The following SLC24A2 variants were observed in gnomAD, a reference collection of about 807,000 sequenced individuals.
SLC24A2 encodes sodium/potassium/calcium exchanger 2.
SLC24A2 carries 36 observed loss-of-function variants against 62.0 expected under a neutral mutation model. The observed-to-expected ratio is 0.58, with a 90% CI of 0.44 to 0.77. The LOEUF (loss-of-function observed/expected upper bound fraction) is 0.77, where lower values mean the gene tolerates loss of function less well. SLC24A2 is among the 30% of genes least tolerant of loss of function. SLC24A2 has a pLI of 0.00. For synonymous variants in SLC24A2, 358 were observed against 294.0 expected, an observed-to-expected ratio of 1.22 and a Z score of -2.23; for missense variants, 846 against 817.9, an observed-to-expected ratio of 1.03 and a Z score of -0.42.
At chr9:20,243,071 C>T in the SLC24A2 span, among the ~76,000 whole-genome samples, 124 of 152,304 alleles carry the variant, frequency 8.1e-4, no homozygotes, top group Middle Eastern at 0.01. Context: ...GTAGAGACTT[C>T]CGTGGTTTCT....
intron 2 of SLC24A2, among the ~76,000 whole-genome samples, chr9:19,638,526 G>T (rs1336333619): frequency 6.6e-6 from 1 of 152,142 alleles, no homozygotes; most frequent in Non-Finnish European, 1.5e-5. Context: ...TAATGGAACA[G>T]TTATTTCCCA....
chr9:20,236,695 G>A, the SLC24A2 span, among the ~76,000 whole-genome samples: 1 of 152,082 alleles, frequency 6.6e-6, no homozygotes, highest in South Asian at 2.1e-4. Flanking sequence ...AAAGACACTA[G>A]TATCCTGAAT....
chr9:19,526,922 T>TTA (rs1188291361), intron 9 of SLC24A2, among the ~76,000 whole-genome samples: 2 of 152,196 alleles, frequency 1.3e-5, no homozygotes, highest in African/African-American at 4.8e-5. Flanking sequence ...TTTGCCTGGC[T>TTA]TATGGTCATA....
chr9:19,704,359 A>C (rs1162729138), intron 2 of SLC24A2, among the ~76,000 whole-genome samples: 2 of 151,960 alleles, frequency 1.3e-5, no homozygotes, highest in African/African-American at 4.8e-5. Context: ...AAAAATATGC[A>C]TACATTCACA....
the SLC24A2 span, among the ~76,000 whole-genome samples, chr9:20,032,598 C>A: frequency 6.6e-6 from 1 of 152,160 alleles, no homozygotes; most frequent in Non-Finnish European, 1.5e-5. Flanking sequence ...AACTATGTTC[C>A]TTCACATAAA....
the SLC24A2 span, among the ~76,000 whole-genome samples, chr9:19,850,984 T>TATACAC: frequency 2.0e-4 from 6 of 30,538 alleles, 1 homozygote; most frequent in African/African-American, 7.0e-4. Flanking sequence ...TATATATATA[T>TATACAC]GTATATATAT....
At chr9:20,033,327 C>T in the SLC24A2 span, among the ~76,000 whole-genome samples, 1 of 152,192 alleles carries the variant, frequency 6.6e-6, no homozygotes, top group Non-Finnish European at 1.5e-5. Context: ...AGCCTCAATT[C>T]CTCCACCACA....
chr9:19,541,916 T>C (rs1474664288), intron 8 of SLC24A2, among the ~76,000 whole-genome samples: 1 of 152,072 alleles, frequency 6.6e-6, no homozygotes, highest in African/African-American at 2.4e-5. Context: ...TGGTGCGCCG[T>C]TTTTCAAGCC....
the SLC24A2 span, among the ~76,000 whole-genome samples, chr9:20,019,155 A>AAGAAAGAAAG: frequency 3.0e-3 from 348 of 117,180 alleles, 21 homozygotes; most frequent in Non-Finnish European, 5.0e-3. Flanking sequence ...GAAAGAAAGA[A>AAGAAAGAAAG]AGAGAGAGAG....
chr9:19,689,009 G>C (rs1282520267), intron 2 of SLC24A2, among the ~76,000 whole-genome samples: 6 of 152,112 alleles, frequency 3.9e-5, no homozygotes, highest in Non-Finnish European at 7.4e-5. Flanking sequence ...AATTTATAAT[G>C]AAAGTCCCTT....
chr9:20,034,534 A>T, the SLC24A2 span, among the ~76,000 whole-genome samples: 1 of 130,158 alleles, frequency 7.7e-6, no homozygotes, highest in Non-Finnish European at 1.5e-5. Context: ...ATCTCTGCTC[A>T]CTGCAAGCTC....
rs371592360 is a variant in SLC24A2 at position 19,788,876 on chromosome 9, C to T, written c.-154+9G>A. 2.0e-6 allele frequency: 2 copies of T among 985,300 alleles called. No individual in the cohort carries two copies. Among genetic ancestry groups the T allele is most frequent in the Admixed American group, 6.1e-5 (1 of 16,274 alleles). The allele number at this position is 985,300 out of a possible 1,614,324, so 61.0% of individuals were successfully genotyped here. The stretch of plus-strand genomic sequence containing the variant: ...CAGCGGCAGGCGGGGCGCAGCCGCC[C>T]GCACTTACCAGGATAAGATGGGAGG... On this transcript the variant is annotated intron_variant, in intron 1 of 10. Coordinates refer to ENST00000341998, the MANE Select transcript of SLC24A2 (RefSeq NM_020344.4).
At chr9:20,192,040 A>G in the SLC24A2 span, among the ~76,000 whole-genome samples, 3 of 152,200 alleles carry the variant, frequency 2.0e-5, no homozygotes, top group South Asian at 2.1e-4. Context: ...GATCAGTTGC[A>G]ATAGGCATGT....
At chr9:20,268,766 A>G in the SLC24A2 span, among the ~76,000 whole-genome samples, 9 of 152,208 alleles carry the variant, frequency 5.9e-5, no homozygotes, top group Non-Finnish European at 1.3e-4. Context: ...GCATCCTTCC[A>G]GGGCCTATTT....
the SLC24A2 span, among the ~76,000 whole-genome samples, chr9:20,276,177 C>A: frequency 2.0e-5 from 3 of 152,180 alleles, no homozygotes; most frequent in African/African-American, 7.2e-5. Context: ...TCATATGAGA[C>A]AAGCTAAGTC....
chr9:19,603,627 C>A (rs967767182), intron 4 of SLC24A2, among the ~76,000 whole-genome samples: 1 of 152,162 alleles, frequency 6.6e-6, no homozygotes, highest in African/African-American at 2.4e-5. Flanking sequence ...TTTCCACTGC[C>A]CTGGCCTTAT....
the SLC24A2 span, among the ~76,000 whole-genome samples, chr9:20,223,894 T>C: frequency 2.1e-4 from 32 of 152,218 alleles, no homozygotes; most frequent in South Asian, 6.7e-3. Flanking sequence ...CAGTTCTGCA[T>C]GGCTGAGGAG....
At chr9:20,287,956 C>T in the SLC24A2 span, among the ~76,000 whole-genome samples, 6 of 152,168 alleles carry the variant, frequency 3.9e-5, no homozygotes, top group Admixed American at 3.3e-4. Context: ...AATTTTTACA[C>T]ATATTGATTG....
chr9:20,282,982 G>C, the SLC24A2 span, among the ~76,000 whole-genome samples: 1 of 152,148 alleles, frequency 6.6e-6, no homozygotes, highest in Non-Finnish European at 1.5e-5. Flanking sequence ...CAAAGGGATA[G>C]AAACATGTTA....
Sources: allele counts gnomAD v4.1 joint callset (sites outside exome capture counted in the v4.1 genomes callset), GRCh38; gene constraint gnomAD v4.1.1; transcripts MANE v1.5; gene names NCBI Gene and HGNC (gene_info 2026-07-23, HGNC 2026-07-21).